Variants in MGAT4C observed in about 807,000 individuals in gnomAD.
MGAT4C encodes the protein MGAT4 family member C, also known as alpha-1,3-mannosyl-glycoprotein 4-beta-N-acetylglucosaminyltransferase C.
A neutral mutation model predicts 40.1 loss-of-function variants in MGAT4C; 19 were observed. That is an observed-to-expected ratio of 0.47 (90% CI 0.33 to 0.70). The LOEUF (loss-of-function observed/expected upper bound fraction) is 0.70, where lower values mean the gene tolerates loss of function less well. MGAT4C is among the 30% of genes least tolerant of loss of function. The probability of loss-of-function intolerance (pLI) is 0.02; values close to 1 mark genes in which losing one functional copy is unlikely to be tolerated. For missense variants in MGAT4C, 491 were observed against 563.2 expected (o/e 0.87, Z 1.30); for synonymous variants, 181 against 187.1 (o/e 0.97, Z 0.27).
At chr12:86,275,078 C>G (rs1650925399) in intron 4 of MGAT4C, among the ~76,000 whole-genome samples, 1 of 152,136 alleles carries the variant, frequency 6.6e-6, no homozygotes, top group South Asian at 2.1e-4. Flanking sequence ...CAAAGCTAAC[C>G]TACAGTCAAC....
chr12:86,662,916 C>A (rs1474774765), intron 2 of MGAT4C, among the ~76,000 whole-genome samples: 1 of 152,094 alleles, frequency 6.6e-6, no homozygotes, highest in Non-Finnish European at 1.5e-5. Context: ...TTCAAATCAC[C>A]TGAAAGTCAT....
At chr12:85,994,047 G>C (rs1262898103) in intron 2 of MGAT4C, among the ~76,000 whole-genome samples, 1 of 152,328 alleles carries the variant, frequency 6.6e-6, no homozygotes, top group African/African-American at 2.4e-5. Flanking sequence ...GCTCCTGCCT[G>C]AGCAGTGGCA....
At chr12:86,508,753 A>G (rs1958518138) in intron 2 of MGAT4C, among the ~76,000 whole-genome samples, 2 of 148,564 alleles carry the variant, frequency 1.3e-5, no homozygotes, top group African/African-American at 2.5e-5. Flanking sequence ...TCGCCATTCT[A>G]ACTGGTGTGA....
In MGAT4C at chr12:85,959,131, C is replaced by T. The variant is rs535071065; in HGVS notation, c.*20158G>A. On this transcript the variant is annotated 3_prime_UTR_variant, in exon 5 of 5. Transcript: ENST00000611864. ...AACTTTATTTTACCTTCAAGTTCTA[C>T]CTGATAAAGTGGTGGAATAAAGATG... is the stretch of plus-strand genomic sequence containing the variant. 20 of 151,976 alleles carry T rather than the reference C, an allele frequency of 1.3e-4. No individual in the cohort carries two copies. Among genetic ancestry groups the T allele is most frequent in the Non-Finnish European group, 2.8e-4 (19 of 67,946 alleles). The allele number at this position is 151,976 out of a possible 1,614,324, so 9.4% of individuals were successfully genotyped here. A position where few individuals can be genotyped will look rare whatever the true frequency, so the allele number is the denominator to read the frequency against.
intron 1 of MGAT4C, among the ~76,000 whole-genome samples, chr12:86,227,409 G>T (rs549170701): frequency 2.6e-5 from 4 of 151,768 alleles, no homozygotes; most frequent in African/African-American, 9.7e-5. Flanking sequence ...TCTCTGTATT[G>T]GTTTCACTAC....
intron 2 of MGAT4C, among the ~76,000 whole-genome samples, chr12:86,542,288 T>TA (rs79132419): frequency 0.042 from 6,407 of 152,272 alleles, 188 homozygotes; most frequent in Non-Finnish European, 0.065. Context: ...TATGCACACC[T>TA]ATTTGCAAAA....
At chr12:86,217,164 C>CTTATTTAT (rs552072386) in intron 1 of MGAT4C, among the ~76,000 whole-genome samples, 26 of 151,928 alleles carry the variant, frequency 1.7e-4, no homozygotes, top group Non-Finnish European at 3.4e-4. Flanking sequence ...TCTCCAGTTT[C>CTTATTTAT]TTATTTATTT....
intron 2 of MGAT4C, among the ~76,000 whole-genome samples, chr12:86,517,783 C>A (rs1411322851): frequency 2.6e-5 from 4 of 152,028 alleles, no homozygotes; most frequent in African/African-American, 7.2e-5. Context: ...GTAGCTGGGA[C>A]GACAGGCGCC....
At chr12:86,444,646 T>C (rs1263278241) in intron 2 of MGAT4C, among the ~76,000 whole-genome samples, 1 of 152,220 alleles carries the variant, frequency 6.6e-6, no homozygotes, top group Admixed American at 6.5e-5. Context: ...ATTCTTTCAG[T>C]TAAAATTCTT....
chr12:86,338,554 C>T (rs1212172769), intron 3 of MGAT4C, among the ~76,000 whole-genome samples: 1 of 152,130 alleles, frequency 6.6e-6, no homozygotes, highest in Non-Finnish European at 1.5e-5. Flanking sequence ...AAACTATAAA[C>T]TAAATTCCTC....
intron 1 of MGAT4C, among the ~76,000 whole-genome samples, chr12:86,072,773 T>C (rs12308575): frequency 0.23 from 34,787 of 151,982 alleles, 5,672 homozygotes; most frequent in African/African-American, 0.46. Flanking sequence ...GTAACTATAC[T>C]AATATTTTTT....
intron 1 of MGAT4C, among the ~76,000 whole-genome samples, chr12:86,818,270 A>G (rs2136224090): frequency 6.6e-6 from 1 of 151,532 alleles, no homozygotes; most frequent in Non-Finnish European, 1.5e-5. Context: ...AAATAGTCTT[A>G]AAAATAAGCA....
chr12:86,510,072 G>T (rs886354541), intron 2 of MGAT4C, among the ~76,000 whole-genome samples: 28 of 151,974 alleles, frequency 1.8e-4, no homozygotes, highest in Non-Finnish European at 1.0e-4. Flanking sequence ...CTGCCTAATT[G>T]CCCTGGCCAG....
intron 2 of MGAT4C, among the ~76,000 whole-genome samples, chr12:86,602,883 CGTGT>C (rs35262458): frequency 0.047 from 6,901 of 147,442 alleles, 173 homozygotes; most frequent in African/African-American, 0.062. Flanking sequence ...TGCCCATCTG[CGTGT>C]GTGTGTGTGT....
chr12:86,302,705 A>G (rs537035534), intron 4 of MGAT4C, among the ~76,000 whole-genome samples: 1 of 150,806 alleles, frequency 6.6e-6, no homozygotes, highest in South Asian at 2.1e-4. Flanking sequence ...CTGGGATTAC[A>G]GGTGTGAGCC....
chr12:86,745,727 T>C (rs1200948707), intron 1 of MGAT4C, among the ~76,000 whole-genome samples: 1 of 151,656 alleles, frequency 6.6e-6, no homozygotes, highest in Non-Finnish European at 1.5e-5. Context: ...CATTAAAGTA[T>C]CTTCTTTTTA....
chr12:86,804,442 A>G (rs1952307087), intron 1 of MGAT4C, among the ~76,000 whole-genome samples: 1 of 148,870 alleles, frequency 6.7e-6, no homozygotes, highest in African/African-American at 2.4e-5. Context: ...TAAAATAAAT[A>G]AATAAAGAAA....
intron 1 of MGAT4C, among the ~76,000 whole-genome samples, chr12:86,824,932 A>G (rs1194145705): frequency 6.6e-6 from 1 of 151,398 alleles, no homozygotes; most frequent in Non-Finnish European, 1.5e-5. Flanking sequence ...ATTGAGTTAA[A>G]TAATCTTTTA....
At chr12:86,654,243 C>G (rs1963778101) in intron 2 of MGAT4C, among the ~76,000 whole-genome samples, 1 of 151,806 alleles carries the variant, frequency 6.6e-6, no homozygotes, top group Admixed American at 6.6e-5. Context: ...CTGATTGCAT[C>G]AGACAAGGAG....
Sources: gnomAD v4.1 joint callset for allele counts (sites outside exome capture counted in the v4.1 genomes callset) on GRCh38, gnomAD v4.1.1 for gene constraint, MANE v1.5 for transcripts, NCBI Gene and HGNC (gene_info 2026-07-23, HGNC 2026-07-21) for gene names.